BOLA1: variants seen among roughly 807,000 people sequenced by gnomAD.
The protein encoded by BOLA1 is bolA-like protein 1.
BOLA1 carries 6 observed loss-of-function variants against 6.6 expected under a neutral mutation model. That is an observed-to-expected ratio of 0.92 (90% CI 0.50 to 1.81). The LOEUF is 1.81. Among genes scored for constraint, BOLA1 ranks in the 40% most tolerant of loss-of-function variants. The pLI is 0.01. For missense variants in BOLA1, 183 were observed against 186.8 expected (o/e 0.98, Z 0.12); for synonymous variants, 87 against 85.6 (o/e 1.02, Z -0.09).
Position 149,900,273 on chromosome 1 carries a change from G to C in BOLA1, c.214G>C (p.Val72Leu), listed in dbSNP as rs143127218. 7.4e-6 allele frequency: 12 copies of C among 1,613,444 alleles called. No individual in the cohort carries two copies. Among genetic ancestry groups the C allele is most frequent in the Non-Finnish European group, 9.3e-6 (11 of 1,179,746 alleles). The change falls in exon 2 of 2, where the codon GTG becomes CTG. Residue 72 changes from valine to leucine, a missense_variant. By Grantham distance (32) the Val-to-Leu change is conservative. Transcript: ENST00000369152. ...PGSETHFRVA[V>L]VSSRFEGLSP... Reference sequence around the variant, plus strand: ...CAGTGAGACTCACTTCCGCGTGGCTGTGGTGAGCTCTCGTTTCGAGGGACT... The same window carrying C: ...CAGTGAGACTCACTTCCGCGTGGCTCTGGTGAGCTCTCGTTTCGAGGGACT...
Sources: allele counts gnomAD v4.1 joint callset, GRCh38; gene constraint gnomAD v4.1.1; transcripts MANE v1.5; gene names NCBI Gene and HGNC (gene_info 2026-07-23, HGNC 2026-07-21).